The following HECTD4 variants were observed in gnomAD, a reference collection of about 807,000 sequenced individuals.
HECTD4 encodes the protein HECT domain E3 ubiquitin protein ligase 4.
In HECTD4, 114 loss-of-function variants were observed where a neutral mutation model predicts 471.5. The observed-to-expected ratio is 0.24, with a 90% CI of 0.21 to 0.28. HECTD4 has a LOEUF of 0.28. Among genes scored for constraint, HECTD4 ranks in the 10% least tolerant of loss-of-function variants. HECTD4 has a pLI of 1.00. For synonymous variants in HECTD4, 2,012 were observed against 2,256.0 expected (o/e 0.89, Z 3.07); for missense variants, 3,866 against 5,651.5 (o/e 0.68, Z 10.13).
At chr12:112,367,306 A>AAAAAGAAAG (rs1362315585) in intron 1 of HECTD4, among the ~76,000 whole-genome samples, 4 of 133,832 alleles carry the variant, frequency 3.0e-5, no homozygotes, top group African/African-American at 1.1e-4. Context: ...CTCAAAAAAA[A>AAAAAGAAAG]AAAGAAAGAA....
chr12:112,192,954 T>G lies in HECTD4; in HGVS notation c.9086+107A>C, dbSNP rs540741199. 1.4e-5 allele frequency: 19 copies of G among 1,377,168 alleles called. No individual in the cohort carries two copies. In the African/African-American group the frequency reaches 2.2e-4, roughly 16 times the overall value. 85.3% of individuals were successfully genotyped at this position (1,377,168 alleles called of 1,614,324 possible). ...AAATATGGAGAGAATTGTAAGTCAT[T>G]TGCATTAAAGAATCAGTGATTTGAA... is the stretch of plus-strand genomic sequence containing the variant. On this transcript the variant is annotated intron_variant, in intron 58 of 75. Coordinates refer to ENST00000682272, the MANE Select transcript of HECTD4 (RefSeq NM_001388303.1).
chr12:112,182,204 G>A (rs754169907), intron 62 of HECTD4, among the ~76,000 whole-genome samples: 2 of 151,716 alleles, frequency 1.3e-5, no homozygotes, highest in South Asian at 2.1e-4. Flanking sequence ...GATGACTCAC[G>A]CCTATAGTCC....
In HECTD4 at chr12:112,273,667, T is replaced by G. The variant is rs1419672093; in HGVS notation, c.1930A>C (p.Thr644Pro). Reference sequence around the variant, plus strand: ...GAGTGCACCTCACCTTTGGGCTCAGTGATAATGTGACTGACTCCAAGTCTC... The same window carrying G: ...GAGTGCACCTCACCTTTGGGCTCAGGGATAATGTGACTGACTCCAAGTCTC... ...CQRLGVSHII[T>P]EPKEEAITTN... Residue 644 changes from threonine (T) to proline (P), a missense_variant, in exon 11 of 76, where the codon ACT (threonine) becomes CCT (proline). Thr to Pro is a conservative substitution (Grantham distance 38). Around this residue, in one of 16 missense-constraint regions of HECTD4, gnomAD observed 525 missense variants for 672.6 expected, o/e 0.78. Coordinates refer to ENST00000682272, the MANE Select transcript of HECTD4 (RefSeq NM_001388303.1). The G allele has an allele frequency of 6.2e-7, 1 of 1,613,920 alleles. No homozygotes were observed. Among genetic ancestry groups the G allele is most frequent in the South Asian group, 1.1e-5 (1 of 91,070 alleles).
At chr12:112,189,574 A>G (rs1032968522) in intron 60 of HECTD4, among the ~76,000 whole-genome samples, 12 of 150,928 alleles carry the variant, frequency 8.0e-5, no homozygotes, top group Non-Finnish European at 1.5e-5. Context: ...AAAAAAAAAA[A>G]AGAAAGAAAT....
intron 1 of HECTD4, among the ~76,000 whole-genome samples, chr12:112,343,692 G>A (rs1314789150): frequency 6.6e-6 from 1 of 152,060 alleles, no homozygotes; most frequent in Non-Finnish European, 1.5e-5. Context: ...GATTTCTTGA[G>A]GCCAGGAGTT....
chr12:112,313,790 C>A (rs1404161491), intron 3 of HECTD4, among the ~76,000 whole-genome samples: 1 of 151,952 alleles, frequency 6.6e-6, no homozygotes, highest in East Asian at 1.9e-4. Context: ...CGCCCTGCTA[C>A]AATATTTTTA....
chr12:112,205,837 G>A (rs1013334106), intron 52 of HECTD4, among the ~76,000 whole-genome samples: 4 of 152,060 alleles, frequency 2.6e-5, no homozygotes, highest in African/African-American at 9.7e-5. Context: ...CAAGTGATCC[G>A]CCTGCCTTGG....
At chr12:112,301,841 T>G in intron 7 of HECTD4, 1 of 650,186 alleles carries the variant, frequency 1.5e-6, no homozygotes, top group Non-Finnish European at 2.7e-6. Context: ...TTCATTATTT[T>G]TATGTACAGA....
At position 112,171,171 on chromosome 12, in the gene HECTD4, G is replaced by A; in HGVS notation, c.11878C>T (p.Arg3960Cys). The change falls in exon 68 of 76, where the codon CGC (arginine) becomes TGC (cysteine). Residue 3960 changes from arginine (R) to cysteine (C), a missense_variant. Physicochemically the swap from Arg to Cys is radical, Grantham distance 180. Coordinates refer to ENST00000682272, the MANE Select transcript of HECTD4 (RefSeq NM_001388303.1). ...ETFFLPLVELRQTPMYTHSIA... is the reference protein window; with the variant it reads ...ETFFLPLVELCQTPMYTHSIA... ...CTGTGGGTATACATGGGTGTCTGGCGCAGCTCCACCAGGGGCAGGAAGAAG... is the reference window on the plus strand; with the variant it reads ...CTGTGGGTATACATGGGTGTCTGGCACAGCTCCACCAGGGGCAGGAAGAAG... 1 of 1,613,440 alleles carries A rather than the reference G, an allele frequency of 6.2e-7. No homozygotes were observed.
chr12:112,280,688 A>G (rs2034618725), intron 8 of HECTD4, among the ~76,000 whole-genome samples: 1 of 152,114 alleles, frequency 6.6e-6, no homozygotes, highest in Admixed American at 6.6e-5. Context: ...TTGGAAAATT[A>G]GCAACTTTGT....
chr12:112,260,033 G>A (rs1464599265), intron 18 of HECTD4, among the ~76,000 whole-genome samples: 3 of 151,266 alleles, frequency 2.0e-5, no homozygotes, highest in Non-Finnish European at 4.4e-5. Context: ...ATTAAATAAT[G>A]TTGTGCAACC....
At chr12:112,225,873 C>T (rs1428731701) in intron 44 of HECTD4, among the ~76,000 whole-genome samples, 3 of 152,170 alleles carry the variant, frequency 2.0e-5, no homozygotes, top group South Asian at 4.1e-4. Flanking sequence ...AGCGATCCTC[C>T]TGCCTCAGCT....
At position 112,167,392 on chromosome 12, in the gene HECTD4, G is replaced by A. The variant is rs138669566; in HGVS notation, c.12459C>T (p.Gly4153=). 741 of 1,613,812 alleles carry A rather than the reference G, an allele frequency of 4.6e-4. 7 individuals are homozygous for A. The African/African-American group carries it at 9.0e-3, about 19-fold the overall frequency. The stretch of plus-strand genomic sequence containing the variant: ...GGTCTTGCTCAGGGTCCAAGGGCTC[G>A]CCCACCAGCGTCTTCCAGAAGGAGG... ...LLPSFWKTLV[G]EPLDPEQDLQ... is the part of the protein sequence containing the mutation. Residue 4153 remains glycine, a synonymous_variant, in exon 72 of 76, where the codon GGC becomes GGT. Coordinates refer to ENST00000682272, the MANE Select transcript of HECTD4 (RefSeq NM_001388303.1).
chr12:112,331,351 A>G (rs1321037726), intron 1 of HECTD4, among the ~76,000 whole-genome samples: 1 of 152,170 alleles, frequency 6.6e-6, no homozygotes, highest in Non-Finnish European at 1.5e-5. Flanking sequence ...GATTACAGGC[A>G]TGAGCCACCA....
At position 112,324,061 on chromosome 12, in the gene HECTD4, T is replaced by C. The variant is rs183713649; in HGVS notation, c.178-4319A>G. 1.1e-3 allele frequency among the ~76,000 whole-genome samples: 90 copies of C among 78,744 alleles called. 5 individuals are homozygous for C. Among genetic ancestry groups the C allele is most frequent in the African/African-American group, 6.6e-3 (79 of 12,002 alleles). 51.7% of individuals were successfully genotyped at this position (78,744 alleles called of 152,430 possible). ...TCCTTCCTTCCTTTCTTTCTTTCTT[T>C]CTTTCTTTCTTTCTTTCTTTCTTTC... On this transcript the variant is annotated intron_variant, in intron 1 of 75. Coordinates refer to ENST00000682272, the MANE Select transcript of HECTD4 (RefSeq NM_001388303.1).
chr12:112,250,038 T>A, intron 25 of HECTD4, 106 bp downstream of exon 25: 1 of 812,110 alleles, frequency 1.2e-6, no homozygotes, highest in Non-Finnish European at 2.0e-6. Context: ...GGAGTAAACA[T>A]AAAATTAAAG....
At chr12:112,189,539 A>G (rs1435484526) in intron 60 of HECTD4, among the ~76,000 whole-genome samples, 2 of 124,944 alleles carry the variant, frequency 1.6e-5, no homozygotes, top group Non-Finnish European at 3.2e-5. Flanking sequence ...CGACAGAGCG[A>G]GACTCCGTCT....
chr12:112,280,923 T>C lies in HECTD4; in HGVS notation c.1529-1537A>G, dbSNP rs570127088. On this transcript the variant is annotated intron_variant, in intron 8 of 75. Transcript: ENST00000682272. ...CCTGCCTCAGCCCCTCCCGAGTAGC[T>C]GAGACTACAGGAGCCCACCATCACA... Among the ~76,000 whole-genome samples, 11 of 151,816 alleles carry C rather than the reference T, an allele frequency of 7.2e-5. No individual in the cohort carries two copies. The South Asian group carries it at 2.3e-3, about 32-fold the overall frequency.
intron 50 of HECTD4, among the ~76,000 whole-genome samples, chr12:112,209,123 A>G (rs2032683499): frequency 6.6e-6 from 1 of 151,716 alleles, no homozygotes; most frequent in African/African-American, 2.4e-5. Context: ...GTTGGTCTCA[A>G]ACTCCTGGGC....
Sources: gnomAD v4.1 joint callset for allele counts (sites outside exome capture counted in the v4.1 genomes callset) on GRCh38, gnomAD v4.1.1 for gene constraint, gnomAD v4.1.1 regional missense constraint, MANE v1.5 for transcripts, NCBI Gene and HGNC (gene_info 2026-07-23, HGNC 2026-07-21) for gene names.